Variants in ADAMTS9 observed in about 807,000 individuals in gnomAD.
ADAMTS9 encodes the protein ADAM metallopeptidase with thrombospondin type 1 motif 9, also known as A disintegrin and metalloproteinase with thrombospondin motifs 9.
A neutral mutation model predicts 257.1 loss-of-function variants in ADAMTS9; 107 were observed. The ratio of observed to expected loss-of-function variants is 0.42; its 90% CI spans 0.36 to 0.49. The LOEUF (loss-of-function observed/expected upper bound fraction) is 0.49, where lower values mean the gene tolerates loss of function less well. ADAMTS9 is among the 20% of genes least tolerant of loss of function. The pLI, the probability that ADAMTS9 is intolerant of heterozygous loss-of-function variation, is 0.03. For synonymous variants in ADAMTS9, 982 were observed against 880.9 expected, an observed-to-expected ratio of 1.11 and a Z score of -2.03; for missense variants, 2,353 against 2,469.1, an observed-to-expected ratio of 0.95 and a Z score of 1.00.
At chr3:64,568,054 A>G (rs748575952) in intron 29 of ADAMTS9, among the ~76,000 whole-genome samples, 8 of 152,168 alleles carry the variant, frequency 5.3e-5, no homozygotes, top group Non-Finnish European at 8.8e-5. Context: ...GTAGTTTTCT[A>G]TGTGGTGATA....
intron 30 of ADAMTS9, among the ~76,000 whole-genome samples, chr3:64,553,980 T>C (rs1182565984): frequency 2.6e-5 from 4 of 152,192 alleles, no homozygotes; most frequent in African/African-American, 7.2e-5. Context: ...TAATCTGTGA[T>C]GTGTAGATAT....
intron 30 of ADAMTS9, 45 bp downstream of exon 30, chr3:64,561,533 C>T (rs2083422618): frequency 1.3e-6 from 2 of 1,579,886 alleles, no homozygotes; most frequent in African/African-American, 1.3e-5. Context: ...GCAAGGGGCG[C>T]ACACGTGAAA....
chr3:64,681,502 G>C, intron 2 of ADAMTS9, 139 bp from the exon 3 acceptor site: 1 of 808,172 alleles, frequency 1.2e-6, no homozygotes, highest in Non-Finnish European at 1.9e-6. Flanking sequence ...AACTGAAAAT[G>C]CTGCAACATA....
chr3:64,583,351 C>T (rs2084052313), intron 28 of ADAMTS9: 1 of 152,180 alleles, frequency 6.6e-6, no homozygotes, highest in Non-Finnish European at 1.5e-5. Flanking sequence ...TTTGACTGAC[C>T]TTGATGGCTC....
chr3:64,555,124 G>A (rs1002530220), intron 30 of ADAMTS9, among the ~76,000 whole-genome samples: 4 of 152,102 alleles, frequency 2.6e-5, no homozygotes, highest in African/African-American at 9.7e-5. Context: ...CACAGTGTAT[G>A]GACGGCAACT....
chr3:64,572,481 C>A lies in ADAMTS9; in HGVS notation c.4357-3946G>T, dbSNP rs577411538. 2.0e-5 allele frequency among the ~76,000 whole-genome samples: 3 copies of A among 152,168 alleles called. No individual in the cohort carries two copies. The East Asian group carries it at 5.8e-4, about 30-fold the overall frequency. On this transcript the variant is annotated intron_variant, in intron 28 of 39. Transcript: ENST00000498707. ...TGCTGTCTCTGGTTTTAGGGATGCC[C>A]CACATTGGTCCTTTCACTTATACAG...
At chr3:64,665,586 A>C (rs564613655) in intron 3 of ADAMTS9, among the ~76,000 whole-genome samples, 72 of 152,364 alleles carry the variant, frequency 4.7e-4, no homozygotes, top group African/African-American at 1.6e-3. Context: ...AAAAGGAACC[A>C]TTTAAGGTAG....
At chr3:64,557,765 G>C (rs574717658) in intron 30 of ADAMTS9, among the ~76,000 whole-genome samples, 2 of 152,326 alleles carry the variant, frequency 1.3e-5, no homozygotes, top group African/African-American at 4.8e-5. Flanking sequence ...TAGAAATTCA[G>C]AGTCAACTTT....
intron 32 of ADAMTS9, 77 bp from the exon 33 acceptor site, chr3:64,542,047 G>T: frequency 1.3e-6 from 2 of 1,579,122 alleles, no homozygotes; most frequent in Non-Finnish European, 1.7e-6. Flanking sequence ...GGAGCTCAGA[G>T]CCCTGATGTC....
intron 28 of ADAMTS9, among the ~76,000 whole-genome samples, chr3:64,581,360 T>A (rs2083995330): frequency 1.3e-5 from 2 of 152,260 alleles, no homozygotes; most frequent in South Asian, 2.1e-4. Flanking sequence ...TTTAAAAAAA[T>A]TTTTAATTTC....
intron 18 of ADAMTS9, 147 bp downstream of exon 18, chr3:64,622,051 T>C: frequency 2.3e-6 from 2 of 881,426 alleles, no homozygotes; most frequent in Non-Finnish European, 3.2e-6. Context: ...CAGCCAAAAA[T>C]GACCAGACAC....
intron 12 of ADAMTS9, among the ~76,000 whole-genome samples, chr3:64,638,464 G>A (rs1700555045): frequency 6.6e-6 from 1 of 152,070 alleles, no homozygotes; most frequent in Non-Finnish European, 1.5e-5. Context: ...GTAATTAATT[G>A]CCCAATCAAG....
At chr3:64,548,911 C>T (rs767525313) in intron 31 of ADAMTS9, among the ~76,000 whole-genome samples, 6 of 152,246 alleles carry the variant, frequency 3.9e-5, no homozygotes, top group Admixed American at 2.0e-4. Context: ...ATGAGCTGTA[C>T]ACTTCAGGCC....
At chr3:64,559,525 T>C (rs1263725268) in intron 30 of ADAMTS9, among the ~76,000 whole-genome samples, 1 of 152,246 alleles carries the variant, frequency 6.6e-6, no homozygotes, top group Non-Finnish European at 1.5e-5. Flanking sequence ...CAGAGTCTTT[T>C]CTCTTTGTGA....
chr3:64,624,975 T>C (rs1199839076), intron 16 of ADAMTS9, among the ~76,000 whole-genome samples: 1 of 152,106 alleles, frequency 6.6e-6, no homozygotes, highest in East Asian at 1.9e-4. Flanking sequence ...TCAGAGCTAT[T>C]AAAAATTTGG....
Position 64,615,400 on chromosome 3 carries a change from C to A in ADAMTS9, c.3110G>T (p.Cys1037Phe). 1 of 1,614,042 alleles carries A rather than the reference C, an allele frequency of 6.2e-7. No individual in the cohort carries two copies. The highest frequency in any genetic ancestry group is 2.2e-5 in the East Asian group (1 of 44,866). ...AATGGTAACTTTCTCTTGATGTGTG[C>A]ATTTGCTGTCATCCAGTACATCATT... is the stretch of plus-strand genomic sequence containing the variant. The part of the protein sequence containing the change: ...TRNDVLDDSK[C>F]THQEKVTIQR... The change falls in exon 21 of 40, where the codon TGC becomes TTC. Residue 1037 changes from cysteine to phenylalanine, a missense_variant. Physicochemically the swap from Cys to Phe is radical, Grantham distance 205. Around this residue, in one of 3 missense-constraint regions of ADAMTS9, gnomAD observed 1,402 missense variants for 1,441.4 expected, o/e 0.97. Transcript: ENST00000498707.
intron 16 of ADAMTS9, among the ~76,000 whole-genome samples, chr3:64,625,078 T>C (rs1282214742): frequency 2.0e-5 from 3 of 152,166 alleles, no homozygotes; most frequent in Non-Finnish European, 4.4e-5. Context: ...CCTTGAAAGA[T>C]ACAGGCCATA....
intron 37 of ADAMTS9, among the ~76,000 whole-genome samples, chr3:64,536,694 G>C (rs9882721): frequency 0.047 from 7,146 of 152,212 alleles, 743 homozygotes; most frequent in Admixed American, 0.25. Context: ...CATTTTCATA[G>C]AATACTGTGG....
chr3:64,620,715 G>A (rs74820733), intron 19 of ADAMTS9, among the ~76,000 whole-genome samples: 1 of 151,958 alleles, frequency 6.6e-6, no homozygotes, highest in Non-Finnish European at 1.5e-5. Context: ...TCTTCTACTG[G>A]GTGGTATACA....
Sources: allele counts gnomAD v4.1 joint callset (sites outside exome capture counted in the v4.1 genomes callset), GRCh38; gene constraint gnomAD v4.1.1; regional missense constraint gnomAD v4.1.1; transcripts MANE v1.5; gene names NCBI Gene and HGNC (gene_info 2026-07-23, HGNC 2026-07-21).